The following PREX2 variants were observed in gnomAD, a reference collection of about 807,000 sequenced individuals.
The protein encoded by PREX2 is phosphatidylinositol-3,4,5-trisphosphate dependent Rac exchange factor 2.
In PREX2, 107 loss-of-function variants were observed where a neutral mutation model predicts 203.2. The observed-to-expected ratio is 0.53, with a 90% CI of 0.45 to 0.62. The LOEUF (loss-of-function observed/expected upper bound fraction) is 0.62. Among genes scored for constraint, PREX2 ranks in the 20% least tolerant of loss-of-function variants. The pLI is 0.00. For synonymous variants in PREX2, 672 were observed against 663.6 expected, an observed-to-expected ratio of 1.01 and a Z score of -0.19; for missense variants, 1,777 against 1,955.9, an observed-to-expected ratio of 0.91 and a Z score of 1.72.
In PREX2 at chr8:68,118,082, G is replaced by C. The variant is rs759850402; in HGVS notation, c.3327-468G>C. 5.9e-5 allele frequency among the ~76,000 whole-genome samples: 9 copies of C among 152,262 alleles called. 1 individual carries two copies. In the East Asian group the frequency reaches 1.2e-3, roughly 20 times the overall value. ...AAAAATATGCCATCTTTGGCCGGGC[G>C]TGGTGGCTCACGCCTGTAATCCCAG... On this transcript the variant is annotated intron_variant, in intron 26 of 39. Transcript: ENST00000288368.
At chr8:68,224,479 A>G in intron 38 of PREX2, 80 bp from the exon 39 acceptor site, 2 of 1,064,824 alleles carry the variant, frequency 1.9e-6, no homozygotes, top group Non-Finnish European at 2.9e-6. Flanking sequence ...TTGAATAAGT[A>G]TCCTACACAC....
At chr8:68,043,180 T>C (rs1808248307) in intron 7 of PREX2, among the ~76,000 whole-genome samples, 1 of 152,154 alleles carries the variant, frequency 6.6e-6, no homozygotes, top group Non-Finnish European at 1.5e-5. Flanking sequence ...CTGGGATGAA[T>C]TCCTAATTTA....
chr8:67,997,114 A>G (rs1053242743), intron 1 of PREX2, among the ~76,000 whole-genome samples: 2 of 152,176 alleles, frequency 1.3e-5, no homozygotes, highest in African/African-American at 2.4e-5. Flanking sequence ...CATTGTGTTT[A>G]TAGCTCCTAA....
At chr8:68,004,756 T>G (rs1585697824) in intron 1 of PREX2, among the ~76,000 whole-genome samples, 4 of 152,372 alleles carry the variant, frequency 2.6e-5, no homozygotes, top group Admixed American at 2.6e-4. Context: ...AGGTTTTCAT[T>G]TATTTGTGTC....
chr8:68,099,628 GTGTC>G (rs1347282963), intron 22 of PREX2, 50 bp from the exon 23 acceptor site: 10 of 1,498,778 alleles, frequency 6.7e-6, no homozygotes, highest in Middle Eastern at 1.8e-4. Flanking sequence ...TTCTATGTGT[GTGTC>G]TGTATGTGTG....
chr8:68,054,964 C>T (rs1022696688), intron 9 of PREX2, among the ~76,000 whole-genome samples: 7 of 152,204 alleles, frequency 4.6e-5, no homozygotes, highest in Non-Finnish European at 8.8e-5. Context: ...TCAATAGTGC[C>T]TCCTAACTAT....
At chr8:68,161,372 C>T (rs1585836941) in intron 35 of PREX2, among the ~76,000 whole-genome samples, 2 of 152,098 alleles carry the variant, frequency 1.3e-5, no homozygotes, top group African/African-American at 2.4e-5. Flanking sequence ...GGATTACAAG[C>T]GTGAGCCACC....
intron 1 of PREX2, among the ~76,000 whole-genome samples, chr8:67,984,804 A>G (rs1806368769): frequency 6.6e-6 from 1 of 152,154 alleles, no homozygotes; most frequent in Admixed American, 6.6e-5. Context: ...TCATTTCATA[A>G]AAACAGCCAA....
intron 4 of PREX2, among the ~76,000 whole-genome samples, chr8:68,025,433 A>G (rs1347551448): frequency 2.7e-5 from 4 of 150,042 alleles, no homozygotes; most frequent in Admixed American, 6.6e-5. Flanking sequence ...TGCTTTCTAG[A>G]TTTTCTCTTT....
At chr8:68,098,918 G>GA (rs927071504) in intron 22 of PREX2, among the ~76,000 whole-genome samples, 3 of 134,320 alleles carry the variant, frequency 2.2e-5, no homozygotes, top group African/African-American at 8.6e-5. Flanking sequence ...TGATTAATCA[G>GA]AAATGCTACA....
At chr8:68,101,902 A>T (rs1810275211) in intron 23 of PREX2, among the ~76,000 whole-genome samples, 1 of 152,200 alleles carries the variant, frequency 6.6e-6, no homozygotes, top group African/African-American at 2.4e-5. Flanking sequence ...TAATCTTAGG[A>T]TCAGGGTATA....
chr8:68,096,946 G>A, intron 21 of PREX2, 71 bp from the exon 22 acceptor site: 1 of 1,277,424 alleles, frequency 7.8e-7, no homozygotes, highest in East Asian at 2.3e-5. Context: ...TATTTAAAGA[G>A]ACACAAAATT....
chr8:68,055,153 C>A (rs542018590), intron 9 of PREX2, among the ~76,000 whole-genome samples: 8 of 152,290 alleles, frequency 5.3e-5, no homozygotes, highest in Middle Eastern at 3.4e-3. Flanking sequence ...TTCTTTCCTG[C>A]ACTACCCTAC....
chr8:68,000,411 A>G (rs957755255), intron 1 of PREX2, among the ~76,000 whole-genome samples: 3 of 152,186 alleles, frequency 2.0e-5, no homozygotes, highest in African/African-American at 4.8e-5. Flanking sequence ...GATCTCTACA[A>G]TGGGAATTAC....
chr8:68,079,481 A>G (rs1387731406), intron 15 of PREX2, among the ~76,000 whole-genome samples: 3 of 152,218 alleles, frequency 2.0e-5, no homozygotes, highest in Non-Finnish European at 4.4e-5. Flanking sequence ...ACTGAAACTC[A>G]GAGGGATTAA....
In PREX2 at chr8:68,069,048, A is replaced by G; in HGVS notation, c.1355A>G (p.Gln452Arg). 1.4e-6 allele frequency: 2 copies of G among 1,470,750 alleles called. No individual in the cohort carries two copies. The highest frequency in any genetic ancestry group is 9.2e-7 in the Non-Finnish European group (1 of 1,088,202). The allele number at this position is 1,470,750 out of a possible 1,614,324, so 91.1% of individuals were successfully genotyped here. The change falls in exon 12 of 40, where the codon CAA (glutamine) becomes CGA (arginine). Residue 452 changes from glutamine to arginine, a missense_variant. Transcript: ENST00000288368. ...ATGTTCTTAGTTACTGATAAACATC[A>G]ATTCAAACCAGAACAGATGTTATAT... ...GIIHHVTDKH[Q>R]FKPEQMLYRF...
chr8:68,115,200 T>G (rs1164504661), intron 25 of PREX2, among the ~76,000 whole-genome samples: 48 of 152,012 alleles, frequency 3.2e-4, no homozygotes, highest in Admixed American at 3.1e-3. Context: ...GCTAATTTTG[T>G]ATTTTTTAGT....
intron 10 of PREX2, among the ~76,000 whole-genome samples, chr8:68,059,383 G>A (rs1165092115): frequency 6.6e-6 from 1 of 152,138 alleles, no homozygotes; most frequent in Non-Finnish European, 1.5e-5. Flanking sequence ...CTGCCCTGCA[G>A]TGGTGACAGA....
chr8:68,220,046 A>G (rs137982662), intron 38 of PREX2: 189 of 151,926 alleles, frequency 1.2e-3, no homozygotes, highest in African/African-American at 3.9e-3. Flanking sequence ...ATTTACTATT[A>G]AAGTTTTATA....
Sources: gnomAD v4.1 joint callset for allele counts (sites outside exome capture counted in the v4.1 genomes callset) on GRCh38, gnomAD v4.1.1 for gene constraint, MANE v1.5 for transcripts, NCBI Gene and HGNC (gene_info 2026-07-23, HGNC 2026-07-21) for gene names.